The following UBE2D2 variants were observed in gnomAD, a reference collection of about 807,000 sequenced individuals.
UBE2D2 encodes the protein ubiquitin-conjugating enzyme E2 D2.
Under a neutral mutation model 24.2 loss-of-function variants are expected in UBE2D2, and 2 were observed. The ratio of observed to expected loss-of-function variants is 0.08; its 90% CI spans 0.03 to 0.26. UBE2D2 has a LOEUF of 0.26. Among genes scored for constraint, UBE2D2 ranks in the 10% least tolerant of loss-of-function variants. The pLI is 1.00. For missense variants in UBE2D2, 44 were observed against 177.6 expected (o/e 0.25, Z 4.28); for synonymous variants, 58 against 56.5 (o/e 1.03, Z -0.12).
chr5:139,610,156 AC>A (rs1184981198), intron 2 of UBE2D2, among the ~76,000 whole-genome samples: 3 of 152,198 alleles, frequency 2.0e-5, no homozygotes, highest in African/African-American at 7.2e-5. Flanking sequence ...TTAAAAACAT[AC>A]TTGCATGTAG....
upstream of UBE2D2, among the ~76,000 whole-genome samples, chr5:139,558,348 C>T (rs1034742876): frequency 4.6e-5 from 7 of 152,126 alleles, no homozygotes; most frequent in African/African-American, 1.2e-4. Context: ...AGTGCAGTGG[C>T]GCGATCTCAG....
At chr5:139,544,730 T>G (rs1024273161) in intron 1 of UBE2D2, among the ~76,000 whole-genome samples, 13 of 152,106 alleles carry the variant, frequency 8.5e-5, no homozygotes, top group African/African-American at 3.1e-4. Flanking sequence ...ATTTTTTACA[T>G]ATGAATACAT....
intron 1 of UBE2D2, among the ~76,000 whole-genome samples, chr5:139,547,620 T>C (rs567465174): frequency 2.0e-5 from 3 of 151,986 alleles, no homozygotes; most frequent in African/African-American, 7.2e-5. Flanking sequence ...AGCAGTTCTC[T>C]ACCTCAGCCT....
chr5:139,595,893 T>G (rs1429221574), intron 1 of UBE2D2, among the ~76,000 whole-genome samples: 12 of 53,228 alleles, frequency 2.3e-4, no homozygotes, highest in Non-Finnish European at 3.3e-4. Context: ...TTTTTTGTTG[T>G]TTTTTTTTTT....
chr5:139,615,585 A>T (rs868828996), intron 5 of UBE2D2, among the ~76,000 whole-genome samples: 1 of 152,230 alleles, frequency 6.6e-6, no homozygotes, highest in Non-Finnish European at 1.5e-5. Context: ...ATGAATGGAA[A>T]AAGATAGATA....
rs1754387059 is a variant in UBE2D2, at chr5:139,614,658, A to G, written c.121-39A>G. 3.7e-6 allele frequency: 6 copies of G among 1,613,814 alleles called. No homozygotes were observed. In the East Asian group the frequency reaches 1.3e-4, roughly 36 times the overall value. ...AATTTCAGAATAAACAGTTTATGTA[A>G]TTTACTCATTTTAATCCCACTTTTC... is the stretch of plus-strand genomic sequence containing the variant. On this transcript the variant is annotated intron_variant, in intron 3 of 6. Transcript: ENST00000398733.
chr5:139,538,253 G>T (rs1355194835), intron 1 of UBE2D2, among the ~76,000 whole-genome samples: 1 of 152,072 alleles, frequency 6.6e-6, no homozygotes, highest in African/African-American at 2.4e-5. Flanking sequence ...CAAAGTGCTG[G>T]GATTGTAGGG....
chr5:139,627,796 T>C lies in UBE2D2; in HGVS notation c.*995T>C, dbSNP rs1754663124. 1.3e-5 allele frequency: 2 copies of C among 152,778 alleles called. No individual in the cohort carries two copies. The highest frequency in any genetic ancestry group is 4.1e-4 in the South Asian group (2 of 4,828). 9.5% of individuals were successfully genotyped at this position (152,778 alleles called of 1,614,324 possible). A position where few individuals can be genotyped will look rare whatever the true frequency, so the allele number is the denominator to read the frequency against. ...ATGTTCATTTATACTGGTTGCATTT[T>C]AAGATCATGAAACAATTCCAGTTAC... On this transcript the variant is annotated 3_prime_UTR_variant, in exon 7 of 7. Coordinates refer to ENST00000398733, the MANE Select transcript of UBE2D2 (RefSeq NM_003339.3).
chr5:139,586,722 G>A (rs1056449150), intron 1 of UBE2D2, among the ~76,000 whole-genome samples: 3 of 151,788 alleles, frequency 2.0e-5, no homozygotes, highest in African/African-American at 7.3e-5. Flanking sequence ...CCAAGATCTC[G>A]CCACTGCACT....
chr5:139,556,371 T>C (rs1256901119), upstream of UBE2D2, among the ~76,000 whole-genome samples: 1 of 152,064 alleles, frequency 6.6e-6, no homozygotes, highest in African/African-American at 2.4e-5. Context: ...TCTCTGCCAC[T>C]GTACTCCAGC....
chr5:139,543,981 T>TG (rs1752789859), intron 1 of UBE2D2, among the ~76,000 whole-genome samples: 1 of 151,684 alleles, frequency 6.6e-6, no homozygotes, highest in Non-Finnish European at 1.5e-5. Context: ...CAAAGGATTT[T>TG]TTTCTATTTC....
intron 1 of UBE2D2, among the ~76,000 whole-genome samples, chr5:139,533,721 C>A (rs1197963549): frequency 6.6e-6 from 1 of 151,474 alleles, no homozygotes; most frequent in Non-Finnish European, 1.5e-5. Flanking sequence ...TTACTGGGAG[C>A]GTCAGAAAAC....
chr5:139,615,085 TC>T, intron 5 of UBE2D2, 119 bp downstream of exon 5: 1 of 1,014,024 alleles, frequency 9.9e-7, no homozygotes, highest in Non-Finnish European at 1.4e-6. Flanking sequence ...TTCTTCTTAA[TC>T]TGAAATGGAC....
rs964033920 is a variant in UBE2D2, at chr5:139,600,467, G to T, written c.88+32G>T. The T allele has an allele frequency of 2.5e-6, 4 of 1,605,296 alleles. No homozygotes were observed. The African/African-American group carries it at 4.0e-5, about 16-fold the overall frequency. On this transcript the variant is annotated intron_variant, in intron 2 of 6. Transcript: ENST00000398733. ...ATTTAAAAGGAATAATGGAGTAATAGCATAACAGTGGTTATTTTGTGTGAA... is the reference window on the plus strand; with the variant it reads ...ATTTAAAAGGAATAATGGAGTAATATCATAACAGTGGTTATTTTGTGTGAA...
chr5:139,534,050 G>A (rs1423354159), intron 1 of UBE2D2, among the ~76,000 whole-genome samples: 3 of 151,526 alleles, frequency 2.0e-5, no homozygotes, highest in African/African-American at 7.3e-5. Flanking sequence ...CAAAGTGCTG[G>A]GATTACAGGC....
chr5:139,619,764 G>A (rs909834438), intron 5 of UBE2D2, among the ~76,000 whole-genome samples: 1 of 152,162 alleles, frequency 6.6e-6, no homozygotes, highest in African/African-American at 2.4e-5. Context: ...TTGGGAGGCT[G>A]AGGCGGGAGA....
chr5:139,579,717 C>G (rs899521470), intron 1 of UBE2D2, among the ~76,000 whole-genome samples: 14 of 152,098 alleles, frequency 9.2e-5, no homozygotes, highest in African/African-American at 2.9e-4. Flanking sequence ...AGCTGGAAGT[C>G]AGGTCCCTAT....
intron 1 of UBE2D2, among the ~76,000 whole-genome samples, chr5:139,573,103 C>T (rs1455026314): frequency 1.3e-5 from 2 of 151,754 alleles, no homozygotes; most frequent in Admixed American, 6.6e-5. Context: ...AGATCGAGAC[C>T]ATCCTGGCTA....
chr5:139,561,517 G>C lies in UBE2D2; in HGVS notation c.-275G>C. On this transcript the variant is annotated 5_prime_UTR_variant, in exon 1 of 7. Transcript: ENST00000398733. ...CGGTTTAGGAGGCGGCGCTGATCCT[G>C]GGAGGAAGAGGCAGCTACGGCGGCG... 2.4e-6 allele frequency: 1 copy of C among 410,424 alleles called. No individual in the cohort carries two copies. Among genetic ancestry groups the C allele is most frequent in the East Asian group, 3.7e-5 (1 of 27,046 alleles). 25.4% of individuals were successfully genotyped at this position (410,424 alleles called of 1,614,324 possible). A position where few individuals can be genotyped will look rare whatever the true frequency, so the allele number is the denominator to read the frequency against.
Sources: allele counts gnomAD v4.1 joint callset (sites outside exome capture counted in the v4.1 genomes callset), GRCh38; gene constraint gnomAD v4.1.1; transcripts MANE v1.5; gene names NCBI Gene and HGNC (gene_info 2026-07-23, HGNC 2026-07-21).